Variants in CNTNAP2 observed in about 807,000 individuals in gnomAD.
CNTNAP2 encodes contactin-associated protein-like 2.
In CNTNAP2, 98 loss-of-function variants were observed where a neutral mutation model predicts 155.2. The ratio of observed to expected loss-of-function variants is 0.63; its 90% confidence interval spans 0.54 to 0.75. The LOEUF (loss-of-function observed/expected upper bound fraction) is 0.75. CNTNAP2 is among the 30% of genes least tolerant of loss of function. The pLI is 0.00. For missense variants in CNTNAP2, 1,727 were observed against 1,688.1 expected (o/e 1.02, Z -0.40); for synonymous variants, 651 against 631.2 (o/e 1.03, Z -0.47).
At chr7:148,090,902 T>G (rs1803826719) in intron 15 of CNTNAP2, among the ~76,000 whole-genome samples, 1 of 151,990 alleles carries the variant, frequency 6.6e-6, no homozygotes, top group African/African-American at 2.4e-5. Context: ...GATGGAAGCT[T>G]CAAAAAGAAG....
intron 7 of CNTNAP2, among the ~76,000 whole-genome samples, chr7:147,130,259 A>C (rs1242350584): frequency 6.6e-6 from 1 of 150,852 alleles, no homozygotes; most frequent in African/African-American, 2.5e-5. Context: ...ACAACAAGTT[A>C]AGAAAATTAA....
chr7:147,365,322 A>T (rs368334910), intron 9 of CNTNAP2, among the ~76,000 whole-genome samples: 1 of 145,496 alleles, frequency 6.9e-6, no homozygotes, highest in African/African-American at 2.5e-5. Flanking sequence ...TTGCAGTGAG[A>T]CGAGACCAGG....
At chr7:147,198,642 C>T (rs915148453) in intron 8 of CNTNAP2, among the ~76,000 whole-genome samples, 1 of 152,178 alleles carries the variant, frequency 6.6e-6, no homozygotes, top group East Asian at 1.9e-4. Context: ...ACCAAACGAA[C>T]TTTAAATTTA....
chr7:147,347,081 G>A (rs1795875946), intron 9 of CNTNAP2, among the ~76,000 whole-genome samples: 1 of 152,042 alleles, frequency 6.6e-6, no homozygotes, highest in Admixed American at 6.6e-5. Context: ...TAATTACAGA[G>A]GCAAGGCACT....
intron 1 of CNTNAP2, among the ~76,000 whole-genome samples, chr7:146,563,985 C>T (rs552931933): frequency 6.6e-6 from 1 of 152,252 alleles, no homozygotes; most frequent in South Asian, 2.1e-4. Context: ...TTTCCCCTCT[C>T]ATGTCCAGCA....
intron 1 of CNTNAP2, among the ~76,000 whole-genome samples, chr7:146,661,540 G>A (rs1247257001): frequency 6.7e-6 from 1 of 149,738 alleles, no homozygotes; most frequent in Non-Finnish European, 1.5e-5. Flanking sequence ...TTGTACCCAT[G>A]CTATTTCTGC....
intron 8 of CNTNAP2, among the ~76,000 whole-genome samples, chr7:147,285,071 TA>T (rs56955809): frequency 6.6e-6 from 1 of 151,980 alleles, no homozygotes; most frequent in African/African-American, 2.4e-5. Flanking sequence ...CAGAGTTTTA[TA>T]AAAAAAGGAT....
At chr7:146,779,398 G>C (rs188348856) in intron 2 of CNTNAP2, among the ~76,000 whole-genome samples, 5 of 152,068 alleles carry the variant, frequency 3.3e-5, no homozygotes, top group African/African-American at 9.7e-5. Context: ...CACAGGGAGA[G>C]GGACACAAAT....
chr7:147,629,438 A>G (rs919295578), intron 12 of CNTNAP2, among the ~76,000 whole-genome samples: 1 of 148,006 alleles, frequency 6.8e-6, no homozygotes, highest in Non-Finnish European at 1.5e-5. Context: ...AATAATAATA[A>G]TAATAATAAT....
chr7:147,500,605 CTG>C (rs1193573179), intron 11 of CNTNAP2, among the ~76,000 whole-genome samples: 1 of 152,152 alleles, frequency 6.6e-6, no homozygotes, highest in Non-Finnish European at 1.5e-5. Context: ...TAAACTGTAA[CTG>C]TGTCTGAATG....
chr7:148,118,968 G>T (rs1563205252), intron 16 of CNTNAP2, among the ~76,000 whole-genome samples: 2 of 152,204 alleles, frequency 1.3e-5, no homozygotes, highest in African/African-American at 2.4e-5. Context: ...GAAGGTGGGG[G>T]TTAGCTGCAC....
chr7:146,816,538 G>C (rs1183520323), intron 2 of CNTNAP2, among the ~76,000 whole-genome samples: 2 of 152,164 alleles, frequency 1.3e-5, no homozygotes, highest in Non-Finnish European at 2.9e-5. Context: ...TGTAATAGGA[G>C]TTTAATGTAA....
In CNTNAP2 at chr7:146,250,154, C is replaced by T. The variant is rs560300466; in HGVS notation, c.97+133181C>T. Among the ~76,000 whole-genome samples the T allele has an allele frequency of 9.7e-4, 148 of 152,240 alleles. 1 individual carries two copies. Among genetic ancestry groups the T allele is most frequent in the Admixed American group, 9.6e-3 (146 of 15,286 alleles). The stretch of plus-strand genomic sequence containing the variant: ...CACCTTCAGTTACAAATTATAGTAA[C>T]ATCTTAGATAATAAATTTCAGCAGC... On this transcript the variant is annotated intron_variant, in intron 1 of 23. Coordinates refer to ENST00000361727, the MANE Select transcript of CNTNAP2 (RefSeq NM_014141.6).
intron 1 of CNTNAP2, among the ~76,000 whole-genome samples, chr7:146,596,595 C>CAGACAG (rs71165017): frequency 0.044 from 4,606 of 105,012 alleles, 161 homozygotes; most frequent in South Asian, 0.073. Context: ...AGAAGGGAGA[C>CAGACAG]AGAGAGAGAG....
intron 14 of CNTNAP2, among the ~76,000 whole-genome samples, chr7:147,941,844 C>T (rs922154038): frequency 6.6e-6 from 1 of 152,100 alleles, no homozygotes; most frequent in Non-Finnish European, 1.5e-5. Flanking sequence ...TGGGTGAATA[C>T]AGTTTTAGGA....
chr7:147,970,549 C>T (rs1801315284), intron 14 of CNTNAP2, among the ~76,000 whole-genome samples: 1 of 151,912 alleles, frequency 6.6e-6, no homozygotes, highest in Non-Finnish European at 1.5e-5. Flanking sequence ...CATGGTGAAA[C>T]CCCATTTAAA....
At chr7:146,259,729 T>C (rs1297184813) in intron 1 of CNTNAP2, among the ~76,000 whole-genome samples, 1 of 152,176 alleles carries the variant, frequency 6.6e-6, no homozygotes, top group Non-Finnish European at 1.5e-5. Flanking sequence ...CTAAAACTGA[T>C]ACTTATATTT....
At chr7:146,384,316 A>G (rs1033774677) in intron 1 of CNTNAP2, among the ~76,000 whole-genome samples, 1 of 152,204 alleles carries the variant, frequency 6.6e-6, no homozygotes, top group African/African-American at 2.4e-5. Flanking sequence ...TGACATATGA[A>G]GATCAGTGGA....
At chr7:148,196,966 T>G (rs1402354188) in intron 18 of CNTNAP2, among the ~76,000 whole-genome samples, 1 of 152,192 alleles carries the variant, frequency 6.6e-6, no homozygotes. Flanking sequence ...TAGGCAGTGC[T>G]TCCCTGACTC....
Sources: gnomAD v4.1 joint callset for allele counts (sites outside exome capture counted in the v4.1 genomes callset) on GRCh38, gnomAD v4.1.1 for gene constraint, MANE v1.5 for transcripts, NCBI Gene and HGNC (gene_info 2026-07-23, HGNC 2026-07-21) for gene names.